USH2A: variants seen among roughly 807,000 people sequenced by gnomAD.
USH2A encodes Usher syndrome 2A (autosomal recessive, mild).
USH2A carries 443 observed loss-of-function variants against 538.9 expected under a neutral mutation model. The ratio of observed to expected loss-of-function variants is 0.82; its 90% CI spans 0.76 to 0.89. The LOEUF (loss-of-function observed/expected upper bound fraction) is 0.89. Ranked by LOEUF, USH2A falls within the 40% of genes least tolerant of loss-of-function variation. USH2A has a pLI of 0.00. For missense variants in USH2A, 6,633 were observed against 6,324.8 expected, an observed-to-expected ratio of 1.05 and a Z score of -1.65; for synonymous variants, 2,413 against 2,273.5, an observed-to-expected ratio of 1.06 and a Z score of -1.75.
chr1:215,678,781 T>C (rs933315642), intron 62 of USH2A, among the ~76,000 whole-genome samples: 1 of 152,198 alleles, frequency 6.6e-6, no homozygotes, highest in African/African-American at 2.4e-5. Context: ...CCTGACTGTC[T>C]TGTTCACTCT....
chr1:215,758,592 TACCTGG>T lies in USH2A; in HGVS notation c.11386_11389+2del. 1 of 1,611,140 alleles carries T rather than the reference TACCTGG, an allele frequency of 6.2e-7. No individual in the cohort carries two copies. The highest frequency in any genetic ancestry group is 8.5e-7 in the Non-Finnish European group (1 of 1,178,520). ...CACACACATACTTCTTTTTTTTTTT[TACCTGG>T]TGGTATCCAAGCTACAAATATAGAA... On this transcript the variant is annotated splice_donor_variant and coding_sequence_variant, in exon 58 of 72. Coordinates refer to ENST00000307340, the MANE Select transcript of USH2A (RefSeq NM_206933.4). LOFTEE classifies it high-confidence loss of function.
rs76792208 is a variant in USH2A, at chr1:216,086,119, T to C, written c.4987+600A>G. Among the ~76,000 whole-genome samples, 1,213 of 152,184 alleles carry C rather than the reference T, an allele frequency of 8.0e-3. 16 individuals carry two copies. The highest frequency in any genetic ancestry group is 0.028 in the African/African-American group (1,163 of 41,524). The stretch of plus-strand genomic sequence containing the variant: ...CTATCTAAGGTTAATTCCATTCATG[T>C]TCATTTTAATTAGTTTCATTTTAGA... On this transcript the variant is annotated intron_variant, in intron 24 of 71. Transcript: ENST00000307340.
At chr1:215,696,360 T>C (rs1658808638) in intron 61 of USH2A, among the ~76,000 whole-genome samples, 1 of 152,150 alleles carries the variant, frequency 6.6e-6, no homozygotes. Flanking sequence ...AGTGGACCTG[T>C]TCAAACCTGT....
At chr1:215,696,072 G>A (rs958882307) in intron 61 of USH2A, among the ~76,000 whole-genome samples, 1 of 151,880 alleles carries the variant, frequency 6.6e-6, no homozygotes, top group Non-Finnish European at 1.5e-5. Flanking sequence ...TGACTCCCCC[G>A]GAACTTAACT....
intron 13 of USH2A, among the ~76,000 whole-genome samples, chr1:216,233,402 T>C (rs1407633170): frequency 6.6e-6 from 1 of 152,136 alleles, no homozygotes; most frequent in Non-Finnish European, 1.5e-5. Context: ...TACAAATGCA[T>C]AGCATCCTGT....
chr1:215,661,584 C>T (rs1170262466), intron 64 of USH2A, among the ~76,000 whole-genome samples: 5 of 152,098 alleles, frequency 3.3e-5, no homozygotes, highest in African/African-American at 7.2e-5. Flanking sequence ...GCTGAGATCC[C>T]GATTGATACA....
chr1:216,160,129 T>C (rs1285896323), intron 21 of USH2A, among the ~76,000 whole-genome samples: 1 of 152,072 alleles, frequency 6.6e-6, no homozygotes, highest in African/African-American at 2.4e-5. Context: ...TACATTTCTG[T>C]TTGCTATATC....
intron 2 of USH2A, 27 bp downstream of exon 2, chr1:216,421,825 A>G (rs2039681363): frequency 1.2e-6 from 2 of 1,613,648 alleles, no homozygotes; most frequent in Non-Finnish European, 1.7e-6. Context: ...GGGACCTATG[A>G]AAGCTTATAC....
intron 9 of USH2A, among the ~76,000 whole-genome samples, 183 bp from the exon 10 acceptor site, chr1:216,292,553 A>G (rs1373003378): frequency 6.6e-6 from 1 of 152,182 alleles, no homozygotes; most frequent in Non-Finnish European, 1.5e-5. Flanking sequence ...GGTAGGGTGG[A>G]ATTGTAAAAG....
chr1:216,351,538 G>A (rs1473778067), intron 4 of USH2A, among the ~76,000 whole-genome samples: 2 of 152,184 alleles, frequency 1.3e-5, no homozygotes, highest in African/African-American at 4.8e-5. Flanking sequence ...AGAAGTAACT[G>A]CTGTTAGCTC....
At chr1:216,321,406 A>T (rs1386873381) in intron 9 of USH2A, among the ~76,000 whole-genome samples, 1 of 152,164 alleles carries the variant, frequency 6.6e-6, no homozygotes, top group Non-Finnish European at 1.5e-5. Flanking sequence ...TTTACTATAG[A>T]TTTTCAATTA....
At chr1:215,775,451 G>A (rs551112728) in intron 55 of USH2A, among the ~76,000 whole-genome samples, 88 of 151,998 alleles carry the variant, frequency 5.8e-4, no homozygotes, top group Non-Finnish European at 8.7e-4. Flanking sequence ...TTATTCATTC[G>A]ACAAACATTT....
At chr1:215,697,067 C>G (rs1368345141) in intron 61 of USH2A, among the ~76,000 whole-genome samples, 1 of 152,022 alleles carries the variant, frequency 6.6e-6, no homozygotes, top group Non-Finnish European at 1.5e-5. Context: ...ATTCTCCCAC[C>G]TCAGTCCCAC....
chr1:215,658,182 G>A (rs977909108), intron 64 of USH2A, among the ~76,000 whole-genome samples: 8 of 151,640 alleles, frequency 5.3e-5, no homozygotes, highest in South Asian at 2.1e-4. Flanking sequence ...TGATCCGCCC[G>A]CCTTGGCCTC....
At chr1:216,414,986 C>T (rs1414974022) in intron 3 of USH2A, among the ~76,000 whole-genome samples, 1 of 152,012 alleles carries the variant, frequency 6.6e-6, no homozygotes, top group Non-Finnish European at 1.5e-5. Flanking sequence ...AATGTTCTTG[C>T]AGTTATACAA....
chr1:215,656,812 C>T (rs549111619), intron 64 of USH2A, among the ~76,000 whole-genome samples: 1 of 152,186 alleles, frequency 6.6e-6, no homozygotes, highest in Non-Finnish European at 1.5e-5. Context: ...TATCAAGAAG[C>T]TCTAAGGAGA....
chr1:215,973,335 A>G (rs539655032), intron 35 of USH2A, among the ~76,000 whole-genome samples: 1 of 152,284 alleles, frequency 6.6e-6, no homozygotes, highest in Non-Finnish European at 1.5e-5. Context: ...TCATCCCCTT[A>G]AGTATGAACT....
intron 64 of USH2A, among the ~76,000 whole-genome samples, chr1:215,669,568 TATAA>T (rs890304989): frequency 6.6e-6 from 1 of 152,224 alleles, no homozygotes; most frequent in Admixed American, 6.5e-5. Flanking sequence ...TAGCAAAACA[TATAA>T]ATATTCATAT....
chr1:216,086,652 A>G, intron 24 of USH2A, 67 bp downstream of exon 24: 1 of 1,260,052 alleles, frequency 7.9e-7, no homozygotes, highest in South Asian at 1.3e-5. Flanking sequence ...TTCTTACTTT[A>G]AAATAATGTA....
Sources: gnomAD v4.1 joint callset for allele counts (sites outside exome capture counted in the v4.1 genomes callset) on GRCh38, gnomAD v4.1.1 for gene constraint, MANE v1.5 for transcripts, NCBI Gene and HGNC (gene_info 2026-07-23, HGNC 2026-07-21) for gene names.